Variants in REEP5 observed in about 807,000 individuals in gnomAD.
The protein encoded by REEP5 is receptor expression-enhancing protein 5.
A neutral mutation model predicts 22.4 loss-of-function variants in REEP5; 24 were observed. The ratio of observed to expected loss-of-function variants is 1.07; its 90% confidence interval spans 0.78 to 1.51. REEP5 has a LOEUF of 1.51. Ranked by LOEUF, REEP5 falls within the 40% of genes most tolerant of loss-of-function variation. The pLI, the probability that REEP5 is intolerant of heterozygous loss-of-function variation, is 0.00. For synonymous variants in REEP5, 103 were observed against 88.6 expected, an observed-to-expected ratio of 1.16 and a Z score of -0.92; for missense variants, 252 against 233.0, an observed-to-expected ratio of 1.08 and a Z score of -0.53.
intron 2 of REEP5, among the ~76,000 whole-genome samples, chr5:112,904,961 A>G (rs571828662): frequency 7.2e-5 from 11 of 152,306 alleles, no homozygotes; most frequent in African/African-American, 2.4e-4. Flanking sequence ...ACTGATCACA[A>G]CTTTGCAGAA....
At chr5:112,879,798 G>T (rs1405039673) in intron 4 of REEP5, among the ~76,000 whole-genome samples, 1 of 151,958 alleles carries the variant, frequency 6.6e-6, no homozygotes, top group Non-Finnish European at 1.5e-5. Context: ...TTTAAATTCG[G>T]CCAGGCATAA....
intron 2 of REEP5, among the ~76,000 whole-genome samples, chr5:112,908,096 T>TC (rs1229797665): frequency 6.9e-6 from 1 of 145,874 alleles, no homozygotes; most frequent in African/African-American, 2.6e-5. Context: ...CTTTCTTTGT[T>TC]TTTTGTTTTT....
At chr5:112,895,967 C>T (rs752038391) in intron 3 of REEP5, 1 of 152,232 alleles carries the variant, frequency 6.6e-6, no homozygotes, top group African/African-American at 2.4e-5. Context: ...CCTTAAATTA[C>T]GAATTACAAC....
intron 2 of REEP5, among the ~76,000 whole-genome samples, chr5:112,910,301 CA>C (rs1422667715): frequency 1.3e-5 from 2 of 150,378 alleles, no homozygotes; most frequent in African/African-American, 4.9e-5. Context: ...GACTCCATCT[CA>C]AAAAAAAACA....
chr5:112,889,853 T>C (rs1289455812), intron 3 of REEP5, among the ~76,000 whole-genome samples: 2 of 147,718 alleles, frequency 1.4e-5, no homozygotes, highest in Non-Finnish European at 3.0e-5. Flanking sequence ...TTGAGACTGA[T>C]TCTTGCTCTC....
rs1393070269 is a variant in REEP5, at chr5:112,877,867, T to C, written c.*919A>G. The C allele has an allele frequency of 2.0e-5, 3 of 152,222 alleles. No homozygotes were observed. The highest frequency in any genetic ancestry group is 4.4e-5 in the Non-Finnish European group (3 of 68,020). The allele number at this position is 152,222 out of a possible 1,614,324, so 9.4% of individuals were successfully genotyped here. ...TCAACATGTTTCTCCGCTTTGAAGA[T>C]AAAACCAGAAATGGTTTCCATTGTA... is the stretch of plus-strand genomic sequence containing the variant. On this transcript the variant is annotated 3_prime_UTR_variant, in exon 5 of 5. Transcript: ENST00000379638.
intron 2 of REEP5, among the ~76,000 whole-genome samples, chr5:112,917,859 AG>A (rs1282343401): frequency 1.3e-5 from 2 of 152,210 alleles, no homozygotes; most frequent in Non-Finnish European, 2.9e-5. Context: ...TAGGAGGAAT[AG>A]GGAGTGATTG....
intron 2 of REEP5, among the ~76,000 whole-genome samples, chr5:112,917,228 T>C (rs1326351539): frequency 1.3e-5 from 2 of 152,210 alleles, no homozygotes; most frequent in African/African-American, 4.8e-5. Flanking sequence ...CCTAAACATA[T>C]TTAATCTTTC....
At chr5:112,905,596 C>A (rs536648229) in intron 2 of REEP5, among the ~76,000 whole-genome samples, 1 of 144,656 alleles carries the variant, frequency 6.9e-6, no homozygotes, top group Admixed American at 6.9e-5. Context: ...ATGCTATTTA[C>A]TTATATATCT....
Position 112,878,468 on chromosome 5 carries a change from G to A in REEP5, c.*318C>T, listed in dbSNP as rs995670960. 6 of 308,106 alleles carry A rather than the reference G, an allele frequency of 1.9e-5. No homozygotes were observed. Among genetic ancestry groups the A allele is most frequent in the Non-Finnish European group, 3.0e-5 (5 of 167,774 alleles). 19.1% of individuals were successfully genotyped at this position (308,106 alleles called of 1,614,324 possible). On this transcript the variant is annotated 3_prime_UTR_variant, in exon 5 of 5. Transcript: ENST00000379638. ...ATGCGTGCAGGGAGAGCCCAGTAAA[G>A]TACACAGCCTGTGGGGTATATAATT...
intron 3 of REEP5, chr5:112,891,499 T>A: frequency 8.7e-7 from 1 of 1,151,468 alleles, no homozygotes; most frequent in Non-Finnish European, 1.2e-6. Flanking sequence ...ATTTGTAATA[T>A]ATATAAGTAT....
At chr5:112,879,543 G>A (rs938166906) in intron 4 of REEP5, among the ~76,000 whole-genome samples, 2 of 152,158 alleles carry the variant, frequency 1.3e-5, no homozygotes, top group Admixed American at 6.5e-5. Flanking sequence ...GCGCGATCTC[G>A]GCTCACTACA....
intron 4 of REEP5, among the ~76,000 whole-genome samples, chr5:112,883,404 T>C (rs923270934): frequency 3.3e-5 from 5 of 152,114 alleles, no homozygotes; most frequent in African/African-American, 1.2e-4. Context: ...ACAGATCACT[T>C]CTCCTCTCTG....
chr5:112,914,839 C>G (rs975903838), intron 2 of REEP5, among the ~76,000 whole-genome samples: 2 of 152,242 alleles, frequency 1.3e-5, no homozygotes, highest in African/African-American at 2.4e-5. Flanking sequence ...CTGATAAGCT[C>G]CACTCCCTGG....
chr5:112,893,789 A>C (rs1420245182), intron 3 of REEP5: 3 of 152,282 alleles, frequency 2.0e-5, no homozygotes, highest in Non-Finnish European at 4.4e-5. Flanking sequence ...AAGCACTCCA[A>C]GGAAGCCAGC....
chr5:112,905,793 G>A (rs1181615039), intron 2 of REEP5, among the ~76,000 whole-genome samples: 1 of 151,758 alleles, frequency 6.6e-6, no homozygotes, highest in East Asian at 1.9e-4. Flanking sequence ...GCTAACTTCT[G>A]TACTTTTTTA....
chr5:112,905,549 A>T (rs1488919297), intron 2 of REEP5, among the ~76,000 whole-genome samples: 1 of 149,034 alleles, frequency 6.7e-6, no homozygotes, highest in Non-Finnish European at 1.5e-5. Context: ...TCAAAAAAAA[A>T]ACAAAACAAA....
Position 112,887,113 on chromosome 5 carries a change from A to G in REEP5, c.422T>C (p.Ile141Thr), listed in dbSNP as rs1768277251. Residue 141 changes from isoleucine (I) to threonine (T), a missense_variant, in exon 4 of 5, where the codon ATC (isoleucine) becomes ACC (threonine). Ile to Thr is a moderately conservative substitution (Grantham distance 89, BLOSUM62 -1). Transcript: ENST00000379638. The stretch of plus-strand genomic sequence containing the variant: ...CTCGTGCTTCAGGAAGAAAGGACGG[A>G]TGATGCGCTTGTAGAGCAGTTCAGC... ...NGAELLYKRIIRPFFLKHESQ... is the reference protein window; with the variant it reads ...NGAELLYKRITRPFFLKHESQ... 1 of 1,613,526 alleles carries G rather than the reference A, an allele frequency of 6.2e-7. No homozygotes were observed. The highest frequency in any genetic ancestry group is 1.1e-5 in the South Asian group (1 of 91,060).
intron 3 of REEP5, 46 bp from the exon 4 acceptor site, chr5:112,887,229 G>A (rs751820360): frequency 2.1e-5 from 31 of 1,480,632 alleles, no homozygotes; most frequent in Non-Finnish European, 2.5e-5. Context: ...GGTGGAGGGG[G>A]CACATTCTGA....
Sources: gnomAD v4.1 joint callset for allele counts (sites outside exome capture counted in the v4.1 genomes callset) on GRCh38, gnomAD v4.1.1 for gene constraint, MANE v1.5 for transcripts, NCBI Gene and HGNC (gene_info 2026-07-23, HGNC 2026-07-21) for gene names.